Variants in CSNK1D observed in about 807,000 individuals in gnomAD.
The protein encoded by CSNK1D is casein kinase I isoform delta.
In CSNK1D, 16 loss-of-function variants were observed where a neutral mutation model predicts 46.6. The observed-to-expected ratio is 0.34, with a 90% CI of 0.23 to 0.52. The LOEUF (loss-of-function observed/expected upper bound fraction) is 0.52, where lower values mean the gene tolerates loss of function less well. Among genes scored for constraint, CSNK1D ranks in the 20% least tolerant of loss-of-function variants. The pLI is 0.95. For missense variants in CSNK1D, 398 were observed against 578.4 expected (o/e 0.69, Z 3.20); for synonymous variants, 276 against 228.2 (o/e 1.21, Z -1.89).
chr17:82,242,960 C>T lies in CSNK1D; in HGVS notation c.*1821G>A, dbSNP rs1025523717. 1 of 985,398 alleles carries T rather than the reference C, an allele frequency of 1.0e-6. No homozygotes were observed. The highest frequency in any genetic ancestry group is 1.2e-6 in the Non-Finnish European group (1 of 829,880). The allele number at this position is 985,398 out of a possible 1,614,324, so 61.0% of individuals were successfully genotyped here. A position where few individuals can be genotyped will look rare whatever the true frequency, so the allele number is the denominator to read the frequency against. ...AGATATTTACAAAGCAAGCTTGCGC[C>T]ACTTCAGGCCACAGCGCGACGTCTC... On this transcript the variant is annotated 3_prime_UTR_variant, in exon 9 of 9. Transcript: ENST00000314028.
chr17:82,265,090 C>T (rs1339647811), intron 2 of CSNK1D, among the ~76,000 whole-genome samples: 6 of 151,782 alleles, frequency 4.0e-5, no homozygotes, highest in Non-Finnish European at 5.9e-5. Context: ...TGAGCCACTG[C>T]GTCTGGCCTA....
chr17:82,261,864 C>G (rs77320319), intron 2 of CSNK1D, among the ~76,000 whole-genome samples: 1 of 152,158 alleles, frequency 6.6e-6, no homozygotes, highest in Non-Finnish European at 1.5e-5. Context: ...CCGTCACCCA[C>G]TGGCCCGGGT....
chr17:82,261,959 T>C (rs538563672), intron 2 of CSNK1D, among the ~76,000 whole-genome samples: 40 of 152,286 alleles, frequency 2.6e-4, no homozygotes, highest in African/African-American at 9.1e-4. Flanking sequence ...ACTAAGTAAA[T>C]GTCCTTTGCT....
chr17:82,267,613 G>A (rs1352129486), intron 1 of CSNK1D, among the ~76,000 whole-genome samples: 1 of 152,202 alleles, frequency 6.6e-6, no homozygotes, highest in Non-Finnish European at 1.5e-5. Context: ...CCTGCCTACA[G>A]TTGGGACAGT....
chr17:82,270,933 T>C (rs894984467), intron 1 of CSNK1D, among the ~76,000 whole-genome samples: 1 of 152,222 alleles, frequency 6.6e-6, no homozygotes, highest in Non-Finnish European at 1.5e-5. Context: ...GGTAGAATGC[T>C]GAGTGAGGAG....
In CSNK1D at chr17:82,252,634, C is replaced by T. The variant is rs375215342; in HGVS notation, c.566-30G>A. The stretch of plus-strand genomic sequence containing the variant: ...AAAGAAAAGGGAAAGGCGTGAAGAA[C>T]GGCACTTGCGTGCTCACGTCAAAGC... On this transcript the variant is annotated intron_variant, in intron 4 of 8. Coordinates refer to ENST00000314028, the MANE Select transcript of CSNK1D (RefSeq NM_001893.6). This position sits in a 1 kb window ranked among gnomAD's most constrained non-coding sequence, Gnocchi z 4.6. 28 of 1,607,768 alleles carry T rather than the reference C, an allele frequency of 1.7e-5. No homozygotes were observed. The highest frequency in any genetic ancestry group is 5.1e-5 in the Admixed American group (3 of 59,264).
At chr17:82,239,711 G>C (rs1031439166), downstream of CSNK1D, 24 of 368,294 alleles carry the variant, frequency 6.5e-5, no homozygotes, top group South Asian at 3.5e-3. Flanking sequence ...CCTACGTGGT[G>C]GTTAGATGGG....
downstream of CSNK1D, chr17:82,239,144 G>C: frequency 1.6e-6 from 1 of 640,148 alleles, no homozygotes; most frequent in Non-Finnish European, 2.5e-6. Flanking sequence ...TGGCGGGGTG[G>C]GAACCGTGTC....
intron 3 of CSNK1D, 127 bp from the exon 4 acceptor site, chr17:82,253,371 A>T (rs556483232): frequency 2.2e-4 from 187 of 841,890 alleles, no homozygotes; most frequent in East Asian, 1.2e-3. Flanking sequence ...GTAGTTTAAC[A>T]ATTAGCGAGG....
intron 8 of CSNK1D, chr17:82,247,218 G>A (rs866270022): frequency 2.0e-5 from 20 of 985,296 alleles, no homozygotes; most frequent in South Asian, 4.7e-5. Context: ...TATGGAAAAC[G>A]AGGGCCTAAG....
rs140997403 is a variant in CSNK1D at position 82,256,341 on chromosome 17, G to A, written c.188-764C>T. ...GCCTGGATAACAAAGGGAGACCCTT[G>A]TCTCTACAAAAAATTCTGGAAATTA... is the stretch of plus-strand genomic sequence containing the variant. On this transcript the variant is annotated intron_variant, in intron 2 of 8. Coordinates refer to ENST00000314028, the MANE Select transcript of CSNK1D (RefSeq NM_001893.6). Among the ~76,000 whole-genome samples, 127 of 152,110 alleles carry A rather than the reference G, an allele frequency of 8.3e-4. 1 individual carries two copies. Among genetic ancestry groups the A allele is most frequent in the African/African-American group, 2.9e-3 (120 of 41,506 alleles).
Position 82,250,005 on chromosome 17 carries a change from G to T in CSNK1D, c.886-403C>A. Reference sequence around the variant, plus strand: ...AATGGTGACAGCTGGGGAGGAAAGCGGGGTGGGGATGAGAGCGTTTGGTCG... The same window carrying T: ...AATGGTGACAGCTGGGGAGGAAAGCTGGGTGGGGATGAGAGCGTTTGGTCG... On this transcript the variant is annotated intron_variant, in intron 6 of 8. Transcript: ENST00000314028. This position sits in a 1 kb window ranked among gnomAD's most constrained non-coding sequence, Gnocchi z 4.6. 1 of 1,233,006 alleles carries T rather than the reference G, an allele frequency of 8.1e-7. No individual in the cohort carries two copies. Among genetic ancestry groups the T allele is most frequent in the Non-Finnish European group, 1.0e-6 (1 of 962,676 alleles). 76.4% of individuals were successfully genotyped at this position (1,233,006 alleles called of 1,614,324 possible). A position where few individuals can be genotyped will look rare whatever the true frequency, so the allele number is the denominator to read the frequency against.
intron 3 of CSNK1D, chr17:82,254,159 G>A (rs2051095294): frequency 1.2e-5 from 3 of 246,430 alleles, no homozygotes; most frequent in Non-Finnish European, 7.4e-6. Flanking sequence ...CTGAGCCGCC[G>A]GAGCCTCGAG....
At chr17:82,257,258 G>GT (rs985026116) in intron 2 of CSNK1D, among the ~76,000 whole-genome samples, 3 of 151,864 alleles carry the variant, frequency 2.0e-5, no homozygotes, top group African/African-American at 7.3e-5. Flanking sequence ...ACCACTGCAG[G>GT]TTTTTTGTGA....
intron 3 of CSNK1D, chr17:82,253,980 G>A: frequency 1.7e-5 from 4 of 237,106 alleles, no homozygotes; most frequent in South Asian, 1.4e-4. Flanking sequence ...GCCTCCAGAA[G>A]CCAGTGAGCT....
At chr17:82,272,821 T>C (rs939843877) in intron 1 of CSNK1D, among the ~76,000 whole-genome samples, 1 of 152,276 alleles carries the variant, frequency 6.6e-6, no homozygotes, top group African/African-American at 2.4e-5. Flanking sequence ...GGCCTTTGTT[T>C]ACTGCGGTGA....
At position 82,252,317 on chromosome 17, in the gene CSNK1D, C is replaced by T. The variant is rs1396223724; in HGVS notation, c.736+117G>A. On this transcript the variant is annotated intron_variant, in intron 5 of 8. Coordinates refer to ENST00000314028, the MANE Select transcript of CSNK1D (RefSeq NM_001893.6). The surrounding 1 kb of genome is among the most constrained non-coding windows in gnomAD (Gnocchi z 4.6). ...AAGCGCCCCGCTTTCCTGCCACCAC[C>T]CCTTTGGAAGGTGAGCAACTCTTCT... 10 of 1,196,860 alleles carry T rather than the reference C, an allele frequency of 8.4e-6. No individual in the cohort carries two copies. The highest frequency in any genetic ancestry group is 2.7e-4 in the Middle Eastern group (1 of 3,748). The allele number at this position is 1,196,860 out of a possible 1,614,324, so 74.1% of individuals were successfully genotyped here.
rs1372162019 is a variant in CSNK1D at position 82,246,181 on chromosome 17, A to G, written c.1198-1350T>C. 6 of 1,538,198 alleles carry G rather than the reference A, an allele frequency of 3.9e-6. No individual in the cohort carries two copies. The African/African-American group carries it at 8.2e-5, about 21-fold the overall frequency. On this transcript the variant is annotated intron_variant, in intron 8 of 8. Transcript: ENST00000314028. ...GCCACCTGGGGGAGCCCAGGCACAG[A>G]GCACAGCCTCACTTGCCTCTCAGGA... is the stretch of plus-strand genomic sequence containing the variant.
At chr17:82,240,082 A>G (rs1177882822), downstream of CSNK1D, 3 of 1,233,304 alleles carry the variant, frequency 2.4e-6, no homozygotes, top group East Asian at 6.3e-5. Context: ...AAAGCAAGCG[A>G]AAAGTGCACA....
Sources: gnomAD v4.1 joint callset for allele counts (sites outside exome capture counted in the v4.1 genomes callset) on GRCh38, gnomAD v4.1.1 for gene constraint, Gnocchi (gnomAD v3.1) non-coding constraint, MANE v1.5 for transcripts, NCBI Gene and HGNC (gene_info 2026-07-23, HGNC 2026-07-21) for gene names.